The following GAREM1 variants were observed in gnomAD, a reference collection of about 807,000 sequenced individuals.
GAREM1 encodes GRB2-associated and regulator of MAPK protein 1.
Under a neutral mutation model 71.3 loss-of-function variants are expected in GAREM1, and 26 were observed. That is an observed-to-expected ratio of 0.36 (90% CI 0.27 to 0.51). The LOEUF (loss-of-function observed/expected upper bound fraction) is 0.51, where lower values mean the gene tolerates loss of function less well. GAREM1 is among the 20% of genes least tolerant of loss of function. The pLI, the probability that GAREM1 is intolerant of heterozygous loss-of-function variation, is 0.95. For missense variants in GAREM1, 1,026 were observed against 1,103.1 expected (o/e 0.93, Z 0.99); for synonymous variants, 440 against 433.2 (o/e 1.02, Z -0.20).
At chr18:32,344,651 G>A (rs2047677407) in intron 2 of GAREM1, among the ~76,000 whole-genome samples, 1 of 152,012 alleles carries the variant, frequency 6.6e-6, no homozygotes, top group East Asian at 1.9e-4. Context: ...AAGATTTCTG[G>A]TACAAAAAAC....
intron 3 of GAREM1, among the ~76,000 whole-genome samples, chr18:32,291,332 A>C (rs1371409348): frequency 6.7e-6 from 1 of 150,358 alleles, no homozygotes; most frequent in Non-Finnish European, 1.5e-5. Flanking sequence ...AAAAAAAAAA[A>C]AACCAAAAAC....
At chr18:32,426,266 G>A (rs991629878) in intron 1 of GAREM1, among the ~76,000 whole-genome samples, 2 of 152,096 alleles carry the variant, frequency 1.3e-5, no homozygotes, top group African/African-American at 2.4e-5. Flanking sequence ...TGATCCACCC[G>A]CCTCAGCCTC....
At chr18:32,300,532 G>T (rs558166977) in intron 3 of GAREM1, among the ~76,000 whole-genome samples, 1 of 152,302 alleles carries the variant, frequency 6.6e-6, no homozygotes, top group South Asian at 2.1e-4. Context: ...TGACCAGGAG[G>T]ATGGCAGAGC....
intron 2 of GAREM1, among the ~76,000 whole-genome samples, chr18:32,364,022 A>ATTTTTTTTTTT (rs1236005063): frequency 1.9e-5 from 1 of 52,104 alleles, no homozygotes; most frequent in Non-Finnish European, 3.2e-5. Context: ...ATATATATAT[A>ATTTTTTTTTTT]TATATGTTTT....
chr18:32,363,665 T>TAAATC (rs1420951019), intron 2 of GAREM1, among the ~76,000 whole-genome samples: 1 of 152,048 alleles, frequency 6.6e-6, no homozygotes, highest in Non-Finnish European at 1.5e-5. Context: ...TTTAATGAGT[T>TAAATC]AAATCAATCC....
intron 3 of GAREM1, among the ~76,000 whole-genome samples, chr18:32,295,947 T>C (rs1008075285): frequency 6.6e-6 from 1 of 151,918 alleles, no homozygotes; most frequent in African/African-American, 2.4e-5. Flanking sequence ...GGAATTTAAA[T>C]ACATTTTAGC....
chr18:32,308,108 T>C (rs1027799007), intron 3 of GAREM1, among the ~76,000 whole-genome samples: 26 of 152,286 alleles, frequency 1.7e-4, no homozygotes, highest in African/African-American at 5.8e-4. Flanking sequence ...ATATTAAATA[T>C]TTATGTTTGC....
chr18:32,334,740 T>C (rs1354902492), intron 2 of GAREM1, among the ~76,000 whole-genome samples: 1 of 152,180 alleles, frequency 6.6e-6, no homozygotes, highest in East Asian at 1.9e-4. Flanking sequence ...TGTCTACCTC[T>C]CTTGAGCTAA....
At chr18:32,395,326 C>T (rs974594596) in intron 1 of GAREM1, among the ~76,000 whole-genome samples, 7 of 152,210 alleles carry the variant, frequency 4.6e-5, no homozygotes, top group African/African-American at 7.2e-5. Context: ...TAGGCGCATA[C>T]GGGTGAACAA....
At chr18:32,343,337 CAG>C (rs1292038323) in intron 2 of GAREM1, among the ~76,000 whole-genome samples, 6 of 120,008 alleles carry the variant, frequency 5.0e-5, no homozygotes, top group South Asian at 5.4e-4. Context: ...TTTTTTGAGA[CAG>C]AGTCTTGCTC....
rs138720497 is a variant in GAREM1 at position 32,287,575 on chromosome 18, C to T, written c.1022G>A (p.Arg341Gln). 22 of 1,614,032 alleles carry T rather than the reference C, an allele frequency of 1.4e-5. No homozygotes were observed. The African/African-American group carries it at 1.6e-4, about 12-fold the overall frequency. The change falls in exon 4 of 6, where the codon CGG (arginine) becomes CAG (glutamine). Residue 341 changes from arginine (R) to glutamine (Q), a missense_variant. Transcript: ENST00000269209. The surrounding 1 kb of genome is among the most constrained non-coding windows in gnomAD (Gnocchi z 5.9). ...GTCGGTTTTCACATCACGGACAGCC[C>T]GTGAATACTCATCGATGTCGAACTG... ...QEQFDIDEYS[R>Q]AVRDVKTDWN...
At chr18:32,416,233 AT>A (rs1420991316) in intron 1 of GAREM1, among the ~76,000 whole-genome samples, 2 of 152,164 alleles carry the variant, frequency 1.3e-5, no homozygotes, top group Admixed American at 6.6e-5. Flanking sequence ...ACACAAAAAA[AT>A]AAAAGATATT....
chr18:32,427,377 TG>T (rs1392363400), intron 1 of GAREM1, among the ~76,000 whole-genome samples: 1 of 151,906 alleles, frequency 6.6e-6, no homozygotes, highest in African/African-American at 2.4e-5. Context: ...TTCAAAGAGG[TG>T]AAGTAACCAG....
intron 1 of GAREM1, chr18:32,412,329 C>A (rs1187150648): frequency 7.5e-6 from 12 of 1,594,118 alleles, no homozygotes; most frequent in Non-Finnish European, 1.0e-5. Flanking sequence ...AGAGTTTCTG[C>A]CTCCAAAATT....
chr18:32,271,145 G>C (rs1371378823), intron 4 of GAREM1, among the ~76,000 whole-genome samples: 2 of 151,506 alleles, frequency 1.3e-5, no homozygotes, highest in African/African-American at 4.9e-5. Flanking sequence ...TGGGATTATA[G>C]GCATGAGCCA....
chr18:32,420,553 G>C (rs2048509911), intron 1 of GAREM1, among the ~76,000 whole-genome samples: 1 of 151,970 alleles, frequency 6.6e-6, no homozygotes, highest in Non-Finnish European at 1.5e-5. Flanking sequence ...CCATCCCAAT[G>C]ACCACCACTG....
intron 1 of GAREM1, among the ~76,000 whole-genome samples, chr18:32,425,073 C>T (rs563552680): frequency 6.6e-6 from 1 of 152,128 alleles, no homozygotes; most frequent in East Asian, 1.9e-4. Context: ...TTGGCTCCTC[C>T]CCTCCACTAT....
At position 32,299,023 on chromosome 18, in the gene GAREM1, G is replaced by C. The variant is rs143873842; in HGVS notation, c.394-10820C>G. On this transcript the variant is annotated intron_variant, in intron 3 of 5. Transcript: ENST00000269209. ...TGGTTGCATTTGTGATGCTATAGCA[G>C]AGGGCTTGCCAACTGGTAGTTTTTC... 2.2e-3 allele frequency among the ~76,000 whole-genome samples: 335 copies of C among 152,250 alleles called. 2 individuals are homozygous for C. The highest frequency in any genetic ancestry group is 6.9e-3 in the African/African-American group (285 of 41,544).
At chr18:32,441,667 T>C (rs755927925) in intron 1 of GAREM1, among the ~76,000 whole-genome samples, 87 of 152,250 alleles carry the variant, frequency 5.7e-4, no homozygotes, top group Non-Finnish European at 9.3e-4. Flanking sequence ...CTGCTTTATT[T>C]CCCCGTTTCA....
Sources: allele counts gnomAD v4.1 joint callset (sites outside exome capture counted in the v4.1 genomes callset), GRCh38; gene constraint gnomAD v4.1.1; non-coding constraint Gnocchi (gnomAD v3.1); transcripts MANE v1.5; gene names NCBI Gene and HGNC (gene_info 2026-07-23, HGNC 2026-07-21).